The following FBXL7 variants were observed in gnomAD, a reference collection of about 807,000 sequenced individuals.
FBXL7 encodes the protein F-box and leucine rich repeat protein 7.
In FBXL7, 12 loss-of-function variants were observed where a neutral mutation model predicts 38.3. The observed-to-expected ratio is 0.31, with a 90% confidence interval of 0.20 to 0.51. The LOEUF (loss-of-function observed/expected upper bound fraction) is 0.51. Ranked by LOEUF, FBXL7 falls within the 20% of genes least tolerant of loss-of-function variation. The probability of loss-of-function intolerance (pLI) is 0.98; values close to 1 mark genes in which losing one functional copy is unlikely to be tolerated. For synonymous variants in FBXL7, 297 were observed against 300.9 expected, an observed-to-expected ratio of 0.99 and a Z score of 0.13; for missense variants, 567 against 676.4, an observed-to-expected ratio of 0.84 and a Z score of 1.79.
chr5:15,729,728 C>T (rs1030176126), intron 2 of FBXL7, among the ~76,000 whole-genome samples: 14 of 151,958 alleles, frequency 9.2e-5, no homozygotes, highest in African/African-American at 2.9e-4. Flanking sequence ...AAATGTGAGC[C>T]GTAAATAGTA....
intron 2 of FBXL7, among the ~76,000 whole-genome samples, chr5:15,868,416 A>T (rs1739811605): frequency 6.6e-6 from 1 of 152,242 alleles, no homozygotes; most frequent in Non-Finnish European, 1.5e-5. Flanking sequence ...CACTAAGTCC[A>T]TGATAATTCA....
intron 2 of FBXL7, among the ~76,000 whole-genome samples, chr5:15,902,240 A>G (rs1293468246): frequency 6.6e-6 from 1 of 152,172 alleles, no homozygotes; most frequent in Non-Finnish European, 1.5e-5. Flanking sequence ...GTTTACAGCT[A>G]CGGAGTTATT....
intron 2 of FBXL7, among the ~76,000 whole-genome samples, chr5:15,913,001 C>T (rs1741479541): frequency 6.6e-6 from 1 of 152,162 alleles, no homozygotes; most frequent in South Asian, 2.1e-4. Flanking sequence ...TTTAAGTGTA[C>T]TAAGTCTCTT....
intron 2 of FBXL7, among the ~76,000 whole-genome samples, chr5:15,665,036 TG>T (rs1422087124): frequency 6.6e-6 from 1 of 152,214 alleles, no homozygotes; most frequent in South Asian, 2.1e-4. Context: ...AGAAGTTTGC[TG>T]TCATTCCTCT....
At chr5:15,670,828 A>T (rs75568021) in intron 2 of FBXL7, among the ~76,000 whole-genome samples, 23,794 of 151,942 alleles carry the variant, frequency 0.16, 1,955 homozygotes, top group Middle Eastern at 0.19. Context: ...AAATAAAAAA[A>T]AAATAAATAA....
chr5:15,744,177 T>G (rs923522488), intron 2 of FBXL7, among the ~76,000 whole-genome samples: 1 of 152,208 alleles, frequency 6.6e-6, no homozygotes, highest in African/African-American at 2.4e-5. Flanking sequence ...AGCTTAAATT[T>G]CTCCCTGGAA....
chr5:15,856,402 T>C lies in FBXL7; in HGVS notation c.128-71488T>C, dbSNP rs1037235964. ...GCACATTCTGGGGCCTATCAGAGGG[T>C]GGAAGGTGGGAGGTGGGAGAGGATC... is the stretch of plus-strand genomic sequence containing the variant. On this transcript the variant is annotated intron_variant, in intron 2 of 3. Coordinates refer to ENST00000504595, the MANE Select transcript of FBXL7 (RefSeq NM_012304.5). Among the ~76,000 whole-genome samples the C allele has an allele frequency of 3.3e-5, 5 of 151,744 alleles. No homozygotes were observed. In the South Asian group the frequency reaches 1.0e-3, roughly 32 times the overall value.
chr5:15,790,318 G>A (rs1431754888), intron 2 of FBXL7, among the ~76,000 whole-genome samples: 1 of 152,078 alleles, frequency 6.6e-6, no homozygotes, highest in Non-Finnish European at 1.5e-5. Flanking sequence ...GTTCAGTGAT[G>A]CTTCCTCCGC....
At chr5:15,698,940 C>A (rs1352833962) in intron 2 of FBXL7, among the ~76,000 whole-genome samples, 2 of 152,108 alleles carry the variant, frequency 1.3e-5, no homozygotes, top group Non-Finnish European at 2.9e-5. Flanking sequence ...TGCCATAGAC[C>A]CTGAGACACT....
In FBXL7 at chr5:15,724,672, G is replaced by A. The variant is rs972148301; in HGVS notation, c.127+108600G>A. Among the ~76,000 whole-genome samples, 25 of 152,082 alleles carry A rather than the reference G, an allele frequency of 1.6e-4. 1 individual carries two copies. Among genetic ancestry groups the A allele is most frequent in the African/African-American group, 6.0e-4 (25 of 41,402 alleles). ...CAACTATCACATTTATGAATTTTCT[G>A]GTGATTTATAACATTTTAAAGTATG... On this transcript the variant is annotated intron_variant, in intron 2 of 3. Coordinates refer to ENST00000504595, the MANE Select transcript of FBXL7 (RefSeq NM_012304.5).
At chr5:15,665,468 T>C (rs1431444223) in intron 2 of FBXL7, among the ~76,000 whole-genome samples, 1 of 152,166 alleles carries the variant, frequency 6.6e-6, no homozygotes, top group Non-Finnish European at 1.5e-5. Flanking sequence ...GAATTCAGTT[T>C]AGGTTGCTTT....
At chr5:15,875,018 A>T (rs958355008) in intron 2 of FBXL7, among the ~76,000 whole-genome samples, 3 of 152,238 alleles carry the variant, frequency 2.0e-5, no homozygotes, top group Admixed American at 2.0e-4. Context: ...AAACTATACT[A>T]CAAGGCTAAA....
chr5:15,795,347 A>G (rs1737388346), intron 2 of FBXL7, among the ~76,000 whole-genome samples: 1 of 152,216 alleles, frequency 6.6e-6, no homozygotes, highest in Non-Finnish European at 1.5e-5. Flanking sequence ...TTCTAAATGT[A>G]TGATTGTTTG....
At chr5:15,528,455 G>C (rs1472153058) in intron 1 of FBXL7, among the ~76,000 whole-genome samples, 1 of 152,116 alleles carries the variant, frequency 6.6e-6, no homozygotes, top group Non-Finnish European at 1.5e-5. Context: ...AGAAAAATAG[G>C]GTTAATGGAC....
intron 2 of FBXL7, among the ~76,000 whole-genome samples, chr5:15,636,137 A>G (rs1741184048): frequency 6.7e-6 from 1 of 149,646 alleles, no homozygotes; most frequent in African/African-American, 2.5e-5. Context: ...ATTTTGTTCC[A>G]TTTTATAAAA....
intron 2 of FBXL7, among the ~76,000 whole-genome samples, chr5:15,781,810 G>GT (rs1226929039): frequency 6.6e-6 from 1 of 152,098 alleles, no homozygotes; most frequent in Non-Finnish European, 1.5e-5. Context: ...GAGCTGAGGA[G>GT]TTGAGAGAAG....
chr5:15,719,745 A>G (rs1744142618), intron 2 of FBXL7, among the ~76,000 whole-genome samples: 2 of 149,000 alleles, frequency 1.3e-5, no homozygotes, highest in Admixed American at 6.8e-5. Context: ...TAAAATCTGT[A>G]TGGCTGACTA....
At chr5:15,522,841 C>G (rs560943691) in intron 1 of FBXL7, among the ~76,000 whole-genome samples, 1 of 152,296 alleles carries the variant, frequency 6.6e-6, no homozygotes, top group South Asian at 2.1e-4. Flanking sequence ...ATAATTCTTA[C>G]AACATTCTAG....
intron 2 of FBXL7, among the ~76,000 whole-genome samples, chr5:15,678,861 T>A (rs1742747619): frequency 6.6e-6 from 1 of 152,218 alleles, no homozygotes; most frequent in South Asian, 2.1e-4. Flanking sequence ...TTTCTCTATA[T>A]AAATTATCCA....
Sources: allele counts gnomAD v4.1 joint callset (sites outside exome capture counted in the v4.1 genomes callset), GRCh38; gene constraint gnomAD v4.1.1; transcripts MANE v1.5; gene names NCBI Gene and HGNC (gene_info 2026-07-23, HGNC 2026-07-21).